Variants in HEPH observed in about 807,000 individuals in gnomAD.
The protein encoded by HEPH is hephaestin.
HEPH carries 69 observed loss-of-function variants against 80.8 expected under a neutral mutation model. That is an observed-to-expected ratio of 0.85 (90% CI 0.70 to 1.04). The LOEUF is 1.04. Ranked by LOEUF, HEPH falls within the 50% of genes least tolerant of loss-of-function variation. HEPH has a pLI of 0.00. For synonymous variants in HEPH, 431 were observed against 322.8 expected (o/e 1.34, Z -3.60); for missense variants, 1,115 against 891.3 (o/e 1.25, Z -3.20).
chrX:66,234,830 G>C (rs1181453425), intron 15 of HEPH, among the ~76,000 whole-genome samples: 1 of 109,979 alleles, frequency 9.1e-6, no homozygotes, highest in African/African-American at 3.3e-5. Context: ...TGTATTTTTA[G>C]TAGAGACGGG....
upstream of HEPH, chrX:66,162,830 G>A: frequency 8.7e-7 from 1 of 1,155,892 alleles, no homozygotes; most frequent in Non-Finnish European, 1.1e-6. Context: ...TGCCCAGCCT[G>A]CCTGGAGAAA....
chrX:66,222,802 C>A (rs2089708912), intron 15 of HEPH, among the ~76,000 whole-genome samples: 1 of 111,836 alleles, frequency 8.9e-6, no homozygotes, highest in African/African-American at 3.3e-5. Flanking sequence ...CTTGGCAAGT[C>A]CCCACAGGGT....
At position 66,205,606 on chromosome X, in the gene HEPH, T is replaced by A. The variant is rs1282997456; in HGVS notation, c.2292-1589T>A. ...GAATGATCTATTTTTCATGCTTTTT[T>A]TTTTTTTGAGATAGAGTCTCAGTCT... is the stretch of plus-strand genomic sequence containing the variant. On this transcript the variant is annotated intron_variant, in intron 13 of 20. Coordinates refer to ENST00000343002, the MANE Select transcript of HEPH (RefSeq NM_001367233.3). Among the ~76,000 whole-genome samples the A allele has an allele frequency of 1.1e-4, 12 of 108,961 alleles. No individual in the cohort carries two copies. In the Admixed American group the frequency reaches 1.2e-3, roughly 11 times the overall value. The allele number at this position is 108,961 out of a possible 115,157, so 94.6% of individuals were successfully genotyped here.
intron 10 of HEPH, 125 bp downstream of exon 10, chrX:66,198,019 G>T (rs887604622): frequency 5.4e-6 from 3 of 559,062 alleles, no homozygotes; most frequent in Non-Finnish European, 8.6e-6. Flanking sequence ...AATCAAGCTG[G>T]TCCATCAGAA....
At chrX:66,207,672 G>A (rs7878104) in intron 14 of HEPH, among the ~76,000 whole-genome samples, 2 of 111,179 alleles carry the variant, frequency 1.8e-5, no homozygotes, top group African/African-American at 3.3e-5. Context: ...TTTTTTCATT[G>A]TACCGCTGTT....
intron 4 of HEPH, among the ~76,000 whole-genome samples, chrX:66,178,705 G>A (rs776423224): frequency 1.1e-3 from 121 of 112,375 alleles, no homozygotes; most frequent in Middle Eastern, 4.6e-3. Context: ...GTGATGATGA[G>A]CATTTTTTCA....
In HEPH at chrX:66,197,738, G is replaced by A; in HGVS notation, c.1557G>A (p.Trp519Ter). Residue 519 changes from tryptophan to a stop codon, truncating the protein, a stop_gained, in exon 10 of 21, where the codon TGG becomes TGA. Coordinates refer to ENST00000343002, the MANE Select transcript of HEPH (RefSeq NM_001367233.3). LOFTEE classifies it high-confidence loss of function. ...CCTTTGAGAAAGTAACATACCGCTG[G>A]ACAGTCCCCCCTCATGCCGGTCCCA... ...AKPFEKVTYR[W>*]TVPPHAGPTA... The A allele has an allele frequency of 8.3e-7, 1 of 1,211,603 alleles. No homozygotes were observed.
chrX:66,203,666 C>T lies in HEPH; in HGVS notation c.2291+89C>T, dbSNP rs888867154. The T allele has an allele frequency of 2.2e-5, 17 of 769,193 alleles. No homozygotes were observed. In the East Asian group the frequency reaches 5.5e-4, roughly 25 times the overall value. The allele number at this position is 769,193 out of a possible 1,213,427, so 63.4% of individuals were successfully genotyped here. The stretch of plus-strand genomic sequence containing the variant: ...AATTCTGAGATGAGGAGACTCTTAT[C>T]TCAGGTCTCCTAATGTGATACCAAC... On this transcript the variant is annotated intron_variant, in intron 13 of 20. Transcript: ENST00000343002.
chrX:66,243,328 G>A (rs2090675479), intron 15 of HEPH, among the ~76,000 whole-genome samples: 1 of 112,039 alleles, frequency 8.9e-6, no homozygotes, highest in Admixed American at 9.4e-5. Flanking sequence ...TAGACACCAG[G>A]GTGTACTTGA....
At chrX:66,199,182 A>T (rs1292156408) in intron 11 of HEPH, among the ~76,000 whole-genome samples, 154 bp downstream of exon 11, 1 of 112,190 alleles carries the variant, frequency 8.9e-6, no homozygotes, top group East Asian at 2.8e-4. Context: ...AACACAACAG[A>T]TCTTATACTT....
chrX:66,239,674 G>T (rs1444918767), intron 15 of HEPH, among the ~76,000 whole-genome samples: 1 of 111,541 alleles, frequency 9.0e-6, no homozygotes, highest in Non-Finnish European at 1.9e-5. Context: ...ATAGAGCATG[G>T]CCTGGCCAAA....
chrX:66,251,864 G>A (rs1048901272), intron 15 of HEPH, among the ~76,000 whole-genome samples: 1 of 112,181 alleles, frequency 8.9e-6, no homozygotes, highest in Non-Finnish European at 1.9e-5. Flanking sequence ...ATCATGTAGA[G>A]TCTCGCAAGC....
At chrX:66,232,517 T>C (rs779338752) in intron 15 of HEPH, among the ~76,000 whole-genome samples, 2 of 111,667 alleles carry the variant, frequency 1.8e-5, no homozygotes, top group South Asian at 3.8e-4. Flanking sequence ...TATGTTTTAA[T>C]ATAATGTCCG....
intron 15 of HEPH, among the ~76,000 whole-genome samples, chrX:66,239,948 C>T (rs1233942578): frequency 9.0e-6 from 1 of 111,719 alleles, no homozygotes; most frequent in Non-Finnish European, 1.9e-5. Flanking sequence ...TAAGCTTTAT[C>T]TTCTTCACAA....
At chrX:66,162,987 G>A (rs146241742), upstream of HEPH, 376 of 662,198 alleles carry the variant, frequency 5.7e-4, 1 homozygote, top group East Asian at 0.012. Flanking sequence ...CAGACCTGTC[G>A]CCACAAATTG....
At chrX:66,200,151 A>T (rs908469125) in intron 11 of HEPH, among the ~76,000 whole-genome samples, 4 of 110,249 alleles carry the variant, frequency 3.6e-5, no homozygotes, top group African/African-American at 1.0e-4. Flanking sequence ...TGGAAAAGGA[A>T]CAATCAGAGT....
At chrX:66,221,195 C>T (rs2089630366) in intron 15 of HEPH, among the ~76,000 whole-genome samples, 1 of 111,457 alleles carries the variant, frequency 9.0e-6, no homozygotes, top group Non-Finnish European at 1.9e-5. Context: ...CACAGCTGCT[C>T]CTGTCCGCGT....
intron 15 of HEPH, among the ~76,000 whole-genome samples, chrX:66,254,456 A>T (rs2091106598): frequency 9.0e-6 from 1 of 111,524 alleles, no homozygotes; most frequent in African/African-American, 3.3e-5. Context: ...GAGGGAGGTG[A>T]GTTCATACAA....
chrX:66,226,788 A>G (rs1464860389), intron 15 of HEPH, among the ~76,000 whole-genome samples: 1 of 111,914 alleles, frequency 8.9e-6, no homozygotes, highest in African/African-American at 3.2e-5. Flanking sequence ...CGAGATTGAA[A>G]TGGTAATAAA....
Sources: gnomAD v4.1 joint callset for allele counts (sites outside exome capture counted in the v4.1 genomes callset) on GRCh38, gnomAD v4.1.1 for gene constraint, MANE v1.5 for transcripts, NCBI Gene and HGNC (gene_info 2026-07-23, HGNC 2026-07-21) for gene names.